UNC45B: variants seen among roughly 807,000 people sequenced by gnomAD.
The protein encoded by UNC45B is unc-45 myosin chaperone B, also known as protein unc-45 homolog B.
In UNC45B, 78 loss-of-function variants were observed where a neutral mutation model predicts 98.7. The observed-to-expected ratio is 0.79, with a 90% confidence interval of 0.66 to 0.95. UNC45B has a LOEUF of 0.95. Ranked by LOEUF, UNC45B falls within the 40% of genes least tolerant of loss-of-function variation. UNC45B has a pLI of 0.00. For missense variants in UNC45B, 1,225 were observed against 1,184.9 expected, an observed-to-expected ratio of 1.03 and a Z score of -0.50; for synonymous variants, 462 against 480.4, an observed-to-expected ratio of 0.96 and a Z score of 0.50.
At chr17:35,175,847 T>TTA (rs2092228896) in intron 14 of UNC45B, 121 bp from the exon 15 acceptor site, 2 of 882,312 alleles carry the variant, frequency 2.3e-6, no homozygotes, top group Non-Finnish European at 1.8e-6. Flanking sequence ...AAGTGGCACT[T>TTA]TCCATAGTCT....
chr17:35,174,481 A>C (rs188834034), intron 14 of UNC45B, 112 bp downstream of exon 14: 97 of 1,436,370 alleles, frequency 6.8e-5, no homozygotes, highest in Admixed American at 2.2e-5. Context: ...GAGGAGATAA[A>C]CTATTGGGAA....
At chr17:35,181,705 C>G (rs1025371221) in intron 18 of UNC45B, among the ~76,000 whole-genome samples, 2 of 150,084 alleles carry the variant, frequency 1.3e-5, no homozygotes, top group African/African-American at 4.9e-5. Context: ...ACATGAGAAT[C>G]ACTTGAACTT....
intron 12 of UNC45B, 102 bp from the exon 13 acceptor site, chr17:35,171,220 C>T (rs2092183003): frequency 2.0e-6 from 3 of 1,493,550 alleles, no homozygotes; most frequent in Non-Finnish European, 2.7e-6. Flanking sequence ...CTGCACTCCT[C>T]CGACACCAAC....
In UNC45B at chr17:35,176,029, G is replaced by A. The variant is rs768268417; in HGVS notation, c.2020G>A (p.Gly674Ser). Residue 674 changes from glycine (G) to serine (S), a missense_variant, in exon 15 of 20, where the codon GGC becomes AGC. Coordinates refer to ENST00000394570, the MANE Select transcript of UNC45B (RefSeq NM_001267052.2). ...AGGCACCATTGTGGCTCAAGGTGGT[G>A]GCAAGGTAACTGGGCAGGTGCCTTC... ...DRGTIVAQGGGKALIPLALEG... is the reference protein window; with the variant it reads ...DRGTIVAQGGSKALIPLALEG... The A allele has an allele frequency of 1.9e-5, 30 of 1,614,044 alleles. No homozygotes were observed. The highest frequency in any genetic ancestry group is 3.3e-4 in the Middle Eastern group (2 of 6,082).
intron 19 of UNC45B, among the ~76,000 whole-genome samples, chr17:35,184,708 T>C (rs1461301912): frequency 6.6e-6 from 1 of 151,766 alleles, no homozygotes; most frequent in Non-Finnish European, 1.5e-5. Flanking sequence ...ACGCAGGCTG[T>C]TAGTTGGGAA....
At chr17:35,157,382 A>G (rs2142541553) in intron 7 of UNC45B, among the ~76,000 whole-genome samples, 1 of 152,038 alleles carries the variant, frequency 6.6e-6, no homozygotes, top group South Asian at 2.1e-4. Flanking sequence ...TTGTATTTTT[A>G]GTAGAGACGG....
chr17:35,176,248 G>A (rs28731010), intron 15 of UNC45B, among the ~76,000 whole-genome samples: 3 of 152,098 alleles, frequency 2.0e-5, no homozygotes, highest in Admixed American at 2.0e-4. Context: ...GCTGTTGGAA[G>A]GAAGCACCGT....
At chr17:35,177,238 G>C in intron 16 of UNC45B, 108 bp downstream of exon 16, 1 of 1,059,226 alleles carries the variant, frequency 9.4e-7, no homozygotes, top group South Asian at 1.5e-5. Flanking sequence ...GCATGGTGCT[G>C]TCACACGGAG....
intron 10 of UNC45B, among the ~76,000 whole-genome samples, chr17:35,168,698 C>T (rs2092160088): frequency 6.6e-6 from 1 of 151,866 alleles, no homozygotes; most frequent in Admixed American, 6.6e-5. Context: ...ATTTTTTTTC[C>T]ACTTTCATTT....
chr17:35,177,708 C>A, intron 17 of UNC45B, 98 bp downstream of exon 17: 1 of 932,516 alleles, frequency 1.1e-6, no homozygotes, highest in Non-Finnish European at 1.6e-6. Context: ...TCTCTGAAGA[C>A]AACACAAAGG....
At chr17:35,170,743 G>A (rs770253171) in intron 12 of UNC45B, among the ~76,000 whole-genome samples, 13 of 152,100 alleles carry the variant, frequency 8.5e-5, no homozygotes, top group Admixed American at 7.2e-4. Flanking sequence ...GGCTGAGGTG[G>A]GAGGATTGCT....
intron 7 of UNC45B, among the ~76,000 whole-genome samples, chr17:35,157,367 A>G (rs1428335676): frequency 1.3e-5 from 2 of 151,774 alleles, no homozygotes; most frequent in African/African-American, 4.8e-5. Context: ...AGCCTCTGCT[A>G]ATTTTTGTAT....
At chr17:35,163,934 G>A in intron 8 of UNC45B, 61 bp from the exon 9 acceptor site, 1 of 1,487,378 alleles carries the variant, frequency 6.7e-7, no homozygotes, top group Non-Finnish European at 9.0e-7. Flanking sequence ...CACTGAGTGA[G>A]GGGTGTGTGT....
intron 2 of UNC45B, 45 bp from the exon 3 acceptor site, chr17:35,148,928 T>G (rs2091996247): frequency 6.2e-7 from 1 of 1,613,288 alleles, no homozygotes; most frequent in African/African-American, 1.3e-5. Flanking sequence ...ATCTCTGCAT[T>G]GGGCCCACAT....
At chr17:35,162,599 T>C (rs1276442509) in intron 8 of UNC45B, among the ~76,000 whole-genome samples, 1 of 152,080 alleles carries the variant, frequency 6.6e-6, no homozygotes. Context: ...CAGGCACTTT[T>C]TTTTTTTGAG....
At chr17:35,164,851 T>TA (rs2092126944) in intron 9 of UNC45B, among the ~76,000 whole-genome samples, 2 of 151,516 alleles carry the variant, frequency 1.3e-5, no homozygotes, top group African/African-American at 4.9e-5. Flanking sequence ...CCTCCCAGGG[T>TA]AGCTGGGACT....
intron 12 of UNC45B, 112 bp from the exon 13 acceptor site, chr17:35,171,210 C>G: frequency 7.2e-7 from 1 of 1,388,682 alleles, no homozygotes; most frequent in Non-Finnish European, 9.9e-7. Context: ...GCCCTACCAG[C>G]TGCACTCCTC....
chr17:35,159,369 C>T lies in UNC45B; in HGVS notation c.809-6C>T, dbSNP rs1262240075. 6.2e-7 allele frequency: 1 copy of T among 1,608,050 alleles called. No individual in the cohort carries two copies. The highest frequency in any genetic ancestry group is 8.5e-7 in the Non-Finnish European group (1 of 1,176,630). Reference sequence around the variant, plus strand: ...TCTCTACTTACCCCGTCCTCTTTTTCTTCAGACACCAAGAAGGACCTGAAG... The same window carrying T: ...TCTCTACTTACCCCGTCCTCTTTTTTTTCAGACACCAAGAAGGACCTGAAG... On this transcript the variant is annotated splice_polypyrimidine_tract_variant and splice_region_variant and intron_variant, in intron 7 of 19. Transcript: ENST00000394570.
intron 2 of UNC45B, 86 bp from the exon 3 acceptor site, chr17:35,148,887 T>C: frequency 6.5e-7 from 1 of 1,548,970 alleles, no homozygotes; most frequent in Non-Finnish European, 8.9e-7. Context: ...CAGGAAACCC[T>C]CTCCCCACAC....
Sources: allele counts gnomAD v4.1 joint callset (sites outside exome capture counted in the v4.1 genomes callset), GRCh38; gene constraint gnomAD v4.1.1; transcripts MANE v1.5; gene names NCBI Gene and HGNC (gene_info 2026-07-23, HGNC 2026-07-21).